Variants in AFF2 observed in about 807,000 individuals in gnomAD.
AFF2 encodes AF4/FMR2 family member 2.
AFF2 carries 14 observed loss-of-function variants against 76.9 expected under a neutral mutation model. That is an observed-to-expected ratio of 0.18 (90% confidence interval 0.12 to 0.28). The LOEUF is 0.28. Ranked by LOEUF, AFF2 falls within the 10% of genes least tolerant of loss-of-function variation. The pLI, the probability that AFF2 is intolerant of heterozygous loss-of-function variation, is 1.00. For synonymous variants in AFF2, 398 were observed against 366.7 expected (o/e 1.09, Z -0.98); for missense variants, 868 against 1,001.1 (o/e 0.87, Z 1.79).
chrX:148,934,369 G>A (rs187383237), intron 9 of AFF2, among the ~76,000 whole-genome samples: 110 of 111,512 alleles, frequency 9.9e-4, no homozygotes, highest in Non-Finnish European at 1.5e-3. Flanking sequence ...TTCCGCTTTT[G>A]ACAGTTTCAA....
intron 1 of AFF2, among the ~76,000 whole-genome samples, chrX:148,526,719 A>C (rs1557235260): frequency 9.0e-6 from 1 of 111,695 alleles, no homozygotes; most frequent in Non-Finnish European, 1.9e-5. Flanking sequence ...ACATACATGA[A>C]CACACATCTA....
chrX:148,563,313 A>G (rs1429692951), intron 1 of AFF2, among the ~76,000 whole-genome samples: 1 of 111,583 alleles, frequency 9.0e-6, no homozygotes, highest in African/African-American at 3.3e-5. Flanking sequence ...GGGCAGGGGG[A>G]TCTGATTTAC....
At chrX:148,536,470 A>C (rs1323402386) in intron 1 of AFF2, among the ~76,000 whole-genome samples, 1 of 111,524 alleles carries the variant, frequency 9.0e-6, no homozygotes, top group African/African-American at 3.3e-5. Flanking sequence ...TGCGATATAG[A>C]GGCCCAAACT....
Position 148,691,611 on chromosome X carries a change from G to C in AFF2, c.1041+28843G>C, listed in dbSNP as rs189939699. 4.4e-3 allele frequency among the ~76,000 whole-genome samples: 489 copies of C among 111,539 alleles called. 6 individuals are homozygous for C. The highest frequency in any genetic ancestry group is 0.015 in the African/African-American group (474 of 30,643). ...GAATTGGTCAGCAAGCCAAATGTAGGAAAAAATTTAGACCTAGGGCACAGC... is the reference window on the plus strand; with the variant it reads ...GAATTGGTCAGCAAGCCAAATGTAGCAAAAAATTTAGACCTAGGGCACAGC... On this transcript the variant is annotated intron_variant, in intron 3 of 20. Coordinates refer to ENST00000370460, the MANE Select transcript of AFF2 (RefSeq NM_002025.4).
intron 9 of AFF2, among the ~76,000 whole-genome samples, chrX:148,948,606 G>T (rs1175699167): frequency 9.0e-6 from 1 of 111,132 alleles, no homozygotes; most frequent in Non-Finnish European, 1.9e-5. Flanking sequence ...GGGGCTGGAG[G>T]GAAATTTTAC....
At position 148,652,064 on chromosome X, in the gene AFF2, A is replaced by G; in HGVS notation, c.113A>G (p.Gln38Arg). ...REWERRNQEV[Q>R]QEDDLFSSGF... ...TGGGAGCGGAGGAATCAAGAAGTCC[A>G]GCAAGAAGACGATCTCTTTTCTTCA... The change falls in exon 2 of 21, where the codon CAG becomes CGG. Residue 38 changes from glutamine to arginine, a missense_variant. This residue lies in a region of AFF2 where 196 missense variants were observed against 194.8 expected (regional missense o/e 1.01). Transcript: ENST00000370460. 1 of 1,203,703 alleles carries G rather than the reference A, an allele frequency of 8.3e-7. No homozygotes were observed. Among genetic ancestry groups the G allele is most frequent in the South Asian group, 1.8e-5 (1 of 56,727 alleles).
At chrX:148,884,349 C>T (rs1156906353) in intron 7 of AFF2, among the ~76,000 whole-genome samples, 2 of 112,277 alleles carry the variant, frequency 1.8e-5, no homozygotes, top group Admixed American at 9.4e-5. Flanking sequence ...TGTGACTGAG[C>T]ATGAAAGTGG....
chrX:148,653,464 A>T (rs1557256657), intron 2 of AFF2, among the ~76,000 whole-genome samples: 1 of 111,657 alleles, frequency 9.0e-6, no homozygotes, highest in African/African-American at 3.3e-5. Context: ...TAACAGAGAG[A>T]TAGCAAGGGA....
intron 1 of AFF2, among the ~76,000 whole-genome samples, chrX:148,526,620 A>G (rs2052663596): frequency 9.0e-6 from 1 of 111,056 alleles, no homozygotes; most frequent in Non-Finnish European, 1.9e-5. Context: ...AGAAAAGGGG[A>G]TAGGTATACC....
intron 3 of AFF2, among the ~76,000 whole-genome samples, chrX:148,766,855 C>T (rs1189915520): frequency 1.8e-5 from 2 of 111,919 alleles, no homozygotes; most frequent in African/African-American, 6.5e-5. Flanking sequence ...CTCAAAATTT[C>T]CCAGTACTCA....
intron 15 of AFF2, among the ~76,000 whole-genome samples, chrX:148,971,546 G>C (rs1301202598): frequency 1.9e-5 from 2 of 103,988 alleles, no homozygotes; most frequent in Non-Finnish European, 3.9e-5. Context: ...CTCTGGAGGG[G>C]ACAGACCCTT....
In AFF2 at chrX:148,934,466, T is replaced by G. The variant is rs181756934; in HGVS notation, c.1398-19114T>G. Among the ~76,000 whole-genome samples the G allele has an allele frequency of 1.1e-3, 120 of 112,494 alleles. 1 individual carries two copies. Among genetic ancestry groups the G allele is most frequent in the African/African-American group, 3.8e-3 (119 of 30,994 alleles). ...CTGCCACGTTGCTATGAAATTGTTA[T>G]TAGAAGGCCATTTACCCCTTAAACC... On this transcript the variant is annotated intron_variant, in intron 9 of 20. Coordinates refer to ENST00000370460, the MANE Select transcript of AFF2 (RefSeq NM_002025.4).
chrX:148,516,755 T>G (rs1242193775), intron 1 of AFF2, among the ~76,000 whole-genome samples: 1 of 111,703 alleles, frequency 9.0e-6, no homozygotes, highest in Non-Finnish European at 1.9e-5. Context: ...ACTGTAACAC[T>G]GAACTGTGAT....
chrX:148,616,481 G>A (rs781953923), intron 1 of AFF2, among the ~76,000 whole-genome samples: 4 of 111,455 alleles, frequency 3.6e-5, no homozygotes, highest in South Asian at 3.7e-4. Context: ...ACTTTGAGGT[G>A]ATGTTGACAT....
intron 8 of AFF2, among the ~76,000 whole-genome samples, chrX:148,897,763 CA>C (rs782617931): frequency 2.4e-3 from 260 of 110,540 alleles, no homozygotes; most frequent in African/African-American, 8.1e-3. Flanking sequence ...CCCTTAGCAT[CA>C]GGGGCAAGAG....
At chrX:148,890,296 C>T (rs560852957) in intron 8 of AFF2, among the ~76,000 whole-genome samples, 1 of 112,248 alleles carries the variant, frequency 8.9e-6, no homozygotes, top group Admixed American at 9.4e-5. Context: ...TCTCAGATCT[C>T]TTACCAGTAG....
intron 3 of AFF2, among the ~76,000 whole-genome samples, chrX:148,710,308 C>T (rs185313448): frequency 1.1e-3 from 118 of 111,830 alleles, no homozygotes; most frequent in Non-Finnish European, 1.9e-3. Flanking sequence ...ATGGATGATT[C>T]TCTGCACCCT....
chrX:148,707,236 G>T (rs1557262473), intron 3 of AFF2, among the ~76,000 whole-genome samples: 1 of 111,390 alleles, frequency 9.0e-6, no homozygotes, highest in Non-Finnish European at 1.9e-5. Flanking sequence ...TTCTAATGTT[G>T]CCCTAAATAC....
intron 16 of AFF2, among the ~76,000 whole-genome samples, chrX:148,974,380 C>G (rs1477771428): frequency 9.0e-6 from 1 of 111,393 alleles, no homozygotes; most frequent in Non-Finnish European, 1.9e-5. Flanking sequence ...CCATCGTTCA[C>G]TAGATGGACT....
Sources: gnomAD v4.1 joint callset for allele counts (sites outside exome capture counted in the v4.1 genomes callset) on GRCh38, gnomAD v4.1.1 for gene constraint, gnomAD v4.1.1 regional missense constraint, MANE v1.5 for transcripts, NCBI Gene and HGNC (gene_info 2026-07-23, HGNC 2026-07-21) for gene names.